CACNA1B: variants seen among roughly 807,000 people sequenced by gnomAD.
The protein encoded by CACNA1B is voltage-dependent N-type calcium channel subunit alpha-1B.
In CACNA1B, 70 loss-of-function variants were observed where a neutral mutation model predicts 247.2. The observed-to-expected ratio is 0.28, with a 90% CI of 0.23 to 0.35. CACNA1B has a LOEUF of 0.35. Ranked by LOEUF, CACNA1B falls within the 10% of genes least tolerant of loss-of-function variation. The pLI is 1.00. For synonymous variants in CACNA1B, 1,231 were observed against 1,294.4 expected (o/e 0.95, Z 1.05); for missense variants, 2,367 against 3,197.4 (o/e 0.74, Z 6.26).
At chr9:138,085,647 G>C (rs1960670457) in intron 36 of CACNA1B, among the ~76,000 whole-genome samples, 1 of 151,148 alleles carries the variant, frequency 6.6e-6, no homozygotes, top group African/African-American at 2.4e-5. Flanking sequence ...AAAGCATCAA[G>C]TCACATATAA....
chr9:138,028,726 C>G (rs531278307), intron 20 of CACNA1B, among the ~76,000 whole-genome samples: 10 of 152,318 alleles, frequency 6.6e-5, no homozygotes, highest in African/African-American at 2.4e-4. Context: ...GGTGCTTAAT[C>G]AAGTCCCTTT....
At chr9:137,924,025 G>A (rs1306779227) in intron 6 of CACNA1B, among the ~76,000 whole-genome samples, 1 of 151,994 alleles carries the variant, frequency 6.6e-6, no homozygotes, top group Non-Finnish European at 1.5e-5. Context: ...TCATATATAT[G>A]GTTTGCAAAT....
chr9:138,057,886 C>A lies in CACNA1B; in HGVS notation c.4106+17C>A. 1 of 1,597,456 alleles carries A rather than the reference C, an allele frequency of 6.3e-7. No individual in the cohort carries two copies. The highest frequency in any genetic ancestry group is 8.6e-7 in the Non-Finnish European group (1 of 1,167,578). ...CTGGCCCATGTGAGTGCTCATCCTG[C>A]TCTCCGTAGCTGGGGCAGGCAGCCC... On this transcript the variant is annotated intron_variant, in intron 27 of 46. Coordinates refer to ENST00000371372, the MANE Select transcript of CACNA1B (RefSeq NM_000718.4). This position sits in a 1 kb window ranked among gnomAD's most constrained non-coding sequence, Gnocchi z 4.0.
chr9:138,078,178 G>A lies in CACNA1B; in HGVS notation c.5014G>A (p.Glu1672Lys), dbSNP rs1554755758. 6.2e-7 allele frequency: 1 copy of A among 1,613,506 alleles called. No homozygotes were observed. The highest frequency in any genetic ancestry group is 1.1e-5 in the South Asian group (1 of 91,062). Residue 1672 changes from glutamate to lysine, a missense_variant, in exon 36 of 47, where the codon GAG becomes AAG. By Grantham distance (56) the Glu-to-Lys change is moderately conservative. Around this residue, in one of 12 missense-constraint regions of CACNA1B, gnomAD observed 436 missense variants for 679.5 expected, o/e 0.64. Coordinates refer to ENST00000371372, the MANE Select transcript of CACNA1B (RefSeq NM_000718.4). ...LSCLSNQACDEQANATECGSD... is the reference protein window; with the variant it reads ...LSCLSNQACDKQANATECGSD... ...CTGCCTGAGCAACCAGGCCTGTGAT[G>A]AGCAGGCCAATGCCACCGAGTGTGG... is the stretch of plus-strand genomic sequence containing the variant.
At position 137,924,953 on chromosome 9, in the gene CACNA1B, T is replaced by TG. The variant is rs373898014; in HGVS notation, c.966+7522_966+7523insG. The stretch of plus-strand genomic sequence containing the variant: ...TTGGCAGGCAGCCAGTGCCTGGTTG[T>TG]CCCGCCTGTGACCAGGGGGTTCCTG... On this transcript the variant is annotated intron_variant, in intron 6 of 46. Transcript: ENST00000371372. Among the ~76,000 whole-genome samples, 624 of 152,334 alleles carry TG rather than the reference T, an allele frequency of 4.1e-3. 2 individuals are homozygous for TG. Among genetic ancestry groups the TG allele is most frequent in the Non-Finnish European group, 6.9e-3 (472 of 68,024 alleles).
At chr9:138,068,749 G>T in intron 31 of CACNA1B, 1 of 441,156 alleles carries the variant, frequency 2.3e-6, no homozygotes, top group Non-Finnish European at 4.6e-6. Context: ...ACTGCTGAGA[G>T]GGCACAAAGT....
chr9:138,014,525 T>A lies in CACNA1B; in HGVS notation c.2267+1290T>A, dbSNP rs1746178440. On this transcript the variant is annotated intron_variant, in intron 18 of 46. Coordinates refer to ENST00000371372, the MANE Select transcript of CACNA1B (RefSeq NM_000718.4). The surrounding 1 kb of genome is among the most constrained non-coding windows in gnomAD (Gnocchi z 6.2). Reference sequence around the variant, plus strand: ...GGGCTCAGTCCTCAGTTGTTTAATTTCGATCTTTCATTGTCTTGGCCAATT... The same window carrying A: ...GGGCTCAGTCCTCAGTTGTTTAATTACGATCTTTCATTGTCTTGGCCAATT... Among the ~76,000 whole-genome samples the A allele has an allele frequency of 6.6e-6, 1 of 152,156 alleles. No homozygotes were observed.
At chr9:137,969,190 G>A (rs548253521) in intron 10 of CACNA1B, among the ~76,000 whole-genome samples, 56 of 152,354 alleles carry the variant, frequency 3.7e-4, no homozygotes, top group African/African-American at 1.3e-3. Flanking sequence ...CCCCCAGGGC[G>A]TCTGGATCAG....
At chr9:138,060,925 C>A (rs2133510409) in intron 31 of CACNA1B, among the ~76,000 whole-genome samples, 1 of 152,352 alleles carries the variant, frequency 6.6e-6, no homozygotes, top group Admixed American at 6.5e-5. Flanking sequence ...CCCCACCACC[C>A]TTTCTAGAGC....
chr9:138,042,188 G>A (rs560188069), intron 20 of CACNA1B, among the ~76,000 whole-genome samples: 8 of 152,308 alleles, frequency 5.3e-5, no homozygotes, highest in East Asian at 3.9e-4. Flanking sequence ...TACAACACAC[G>A]CCTGTAAGCC....
intron 3 of CACNA1B, among the ~76,000 whole-genome samples, chr9:137,886,959 A>T (rs1385103472): frequency 6.6e-6 from 1 of 151,028 alleles, no homozygotes; most frequent in Non-Finnish European, 1.5e-5. Context: ...GGAGGTGGTG[A>T]TTCGAGGGAC....
intron 10 of CACNA1B, among the ~76,000 whole-genome samples, chr9:137,959,700 C>T (rs528148942): frequency 6.6e-6 from 1 of 152,280 alleles, no homozygotes; most frequent in South Asian, 2.1e-4. Flanking sequence ...TCTGGCGATT[C>T]TCTTAACCTC....
intron 31 of CACNA1B, among the ~76,000 whole-genome samples, chr9:138,066,664 A>G (rs191749666): frequency 6.6e-6 from 1 of 152,350 alleles, no homozygotes; most frequent in East Asian, 1.9e-4. Flanking sequence ...AGATGAAATG[A>G]TGGAAATTAG....
intron 39 of CACNA1B, 88 bp from the exon 40 acceptor site, chr9:138,112,310 A>T: frequency 1.1e-6 from 1 of 885,106 alleles, no homozygotes; most frequent in Non-Finnish European, 1.9e-6. Flanking sequence ...TCATCTCCCC[A>T]CCTGCACCAG....
chr9:137,942,492 A>G (rs1252821511), intron 6 of CACNA1B, among the ~76,000 whole-genome samples: 2 of 152,230 alleles, frequency 1.3e-5, no homozygotes, highest in African/African-American at 4.8e-5. Flanking sequence ...CAAGAGGAAA[A>G]TAAGTCATAT....
rs889182218 is a variant in CACNA1B at position 138,111,447 on chromosome 9, C to T, written c.5429-951C>T. Among the ~76,000 whole-genome samples the T allele has an allele frequency of 2.0e-5, 3 of 152,284 alleles. No homozygotes were observed. The East Asian group carries it at 5.8e-4, about 29-fold the overall frequency. On this transcript the variant is annotated intron_variant, in intron 39 of 46. Transcript: ENST00000371372. ...ATTGGCGTGACATTCTGGAGCAAAA[C>T]TATAGGGACCCAAAACACATCAGTG...
Position 138,102,706 on chromosome 9 carries a change from T to C in CACNA1B, c.5223-5T>C. 1 of 1,603,442 alleles carries C rather than the reference T, an allele frequency of 6.2e-7. No homozygotes were observed. Among genetic ancestry groups the C allele is most frequent in the East Asian group, 2.2e-5 (1 of 44,632 alleles). On this transcript the variant is annotated splice_region_variant and splice_polypyrimidine_tract_variant and intron_variant, in intron 37 of 46. Transcript: ENST00000371372. This position sits in a 1 kb window ranked among gnomAD's most constrained non-coding sequence, Gnocchi z 5.4. ...TGCCCTGGCCTCGCTGGGACGGGTTTCCAGTGGGCGCATCAGTTACAATGA... is the reference window on the plus strand; with the variant it reads ...TGCCCTGGCCTCGCTGGGACGGGTTCCCAGTGGGCGCATCAGTTACAATGA...
At chr9:137,991,232 A>T (rs180849343) in intron 15 of CACNA1B, among the ~76,000 whole-genome samples, 1 of 152,298 alleles carries the variant, frequency 6.6e-6, no homozygotes, top group African/African-American at 2.4e-5. Flanking sequence ...GAAATCGCAT[A>T]AAAAAATCAC....
At chr9:138,087,143 T>C (rs1960717672) in intron 36 of CACNA1B, among the ~76,000 whole-genome samples, 1 of 150,744 alleles carries the variant, frequency 6.6e-6, no homozygotes, top group African/African-American at 2.5e-5. Context: ...CCCAGCACTT[T>C]GGGAGGCTGA....
Sources: gnomAD v4.1 joint callset for allele counts (sites outside exome capture counted in the v4.1 genomes callset) on GRCh38, gnomAD v4.1.1 for gene constraint, gnomAD v4.1.1 regional missense constraint, Gnocchi (gnomAD v3.1) non-coding constraint, MANE v1.5 for transcripts, NCBI Gene and HGNC (gene_info 2026-07-23, HGNC 2026-07-21) for gene names.